The following TMEM106B variants were observed in gnomAD, a reference collection of about 807,000 sequenced individuals.
The protein encoded by TMEM106B is transmembrane protein 106B.
Under a neutral mutation model 31.1 loss-of-function variants are expected in TMEM106B, and 15 were observed. The ratio of observed to expected loss-of-function variants is 0.48; its 90% CI spans 0.32 to 0.74. The LOEUF (loss-of-function observed/expected upper bound fraction) is 0.74, where lower values mean the gene tolerates loss of function less well. TMEM106B is among the 30% of genes least tolerant of loss of function. TMEM106B has a pLI of 0.03. For synonymous variants in TMEM106B, 126 were observed against 112.5 expected (o/e 1.12, Z -0.76); for missense variants, 283 against 327.3 (o/e 0.86, Z 1.04).
At chr7:12,216,378 T>C (rs577771146) in intron 2 of TMEM106B, among the ~76,000 whole-genome samples, 1 of 86,184 alleles carries the variant, frequency 1.2e-5, no homozygotes, top group Admixed American at 1.1e-4. Flanking sequence ...TTTATTAAAA[T>C]TGAAAAAAAA....
Position 12,242,379 on chromosome 7 carries a change from C to CAAAAAAAAAAAAAAAAA in TMEM106B, c.*10416_*10432dup, listed in dbSNP as rs1169765784. On this transcript the variant is annotated 3_prime_UTR_variant, in exon 8 of 8. Coordinates refer to ENST00000396668, the MANE Select transcript of TMEM106B (RefSeq NM_001134232.2). ...TGGGCGACAGAGCGAGACTCCGTCTCAAAAAAAAAAAAAAAAAAAAAAAAA... is the reference window on the plus strand; with the variant it reads ...TGGGCGACAGAGCGAGACTCCGTCTCAAAAAAAAAAAAAAAAAAAAAAAAAAAAAAAAAAAAAAAAAA... 1.7e-4 allele frequency: 2 copies of CAAAAAAAAAAAAAAAAA among 11,662 alleles called. No homozygotes were observed. The highest frequency in any genetic ancestry group is 2.4e-4 in the Non-Finnish European group (2 of 8,344). The allele number at this position is 11,662 out of a possible 1,614,324, so 0.7% of individuals were successfully genotyped here. A position where few individuals can be genotyped will look rare whatever the true frequency, so the allele number is the denominator to read the frequency against.
Position 12,243,227 on chromosome 7 carries a change from A to G in TMEM106B, c.*11252A>G, listed in dbSNP as rs1434623127. The G allele has an allele frequency of 1.3e-5, 2 of 152,164 alleles. No homozygotes were observed. Among genetic ancestry groups the G allele is most frequent in the African/African-American group, 2.4e-5 (1 of 41,458 alleles). The allele number at this position is 152,164 out of a possible 1,614,324, so 9.4% of individuals were successfully genotyped here. ...TTCAGGCTTAATATATATGACTACT[A>G]TAAGTCAACCTCACATTTTAATGTA... On this transcript the variant is annotated 3_prime_UTR_variant, in exon 8 of 8. Transcript: ENST00000396668.
intron 5 of TMEM106B, 90 bp from the exon 6 acceptor site, chr7:12,230,299 A>C (rs1438737958): frequency 5.2e-6 from 5 of 957,582 alleles, no homozygotes; most frequent in East Asian, 4.8e-5. Context: ...AAAGGAGAAA[A>C]ATTTCTAATT....
chr7:12,236,169 T>C lies in TMEM106B; in HGVS notation c.*4194T>C, dbSNP rs1782131303. ...CAAAGTGAGATTTTCACTTGTCAGC[T>C]TAAATTTCTGACTAGAACTAACATT... On this transcript the variant is annotated 3_prime_UTR_variant, in exon 8 of 8. Transcript: ENST00000396668. The C allele has an allele frequency of 6.6e-6, 1 of 151,970 alleles. No homozygotes were observed. Among genetic ancestry groups the C allele is most frequent in the African/African-American group, 2.4e-5 (1 of 41,442 alleles). 9.4% of individuals were successfully genotyped at this position (151,970 alleles called of 1,614,324 possible).
intron 2 of TMEM106B, among the ~76,000 whole-genome samples, 173 bp from the exon 3 acceptor site, chr7:12,218,285 C>T (rs1173461541): frequency 3.3e-5 from 5 of 149,528 alleles, no homozygotes; most frequent in Admixed American, 6.7e-5. Flanking sequence ...TGAAAAAACA[C>T]GCTGTCTTCT....
intron 6 of TMEM106B, chr7:12,230,837 A>C (rs186115823): frequency 5.3e-4 from 207 of 387,478 alleles, no homozygotes; most frequent in Non-Finnish European, 8.2e-4. Flanking sequence ...AGTAATTTAT[A>C]GCCTGCATTT....
chr7:12,224,199 A>C (rs763112837), intron 3 of TMEM106B, 27 bp from the exon 4 acceptor site: 3 of 1,598,590 alleles, frequency 1.9e-6, no homozygotes, highest in Non-Finnish European at 2.6e-6. Flanking sequence ...ATGCACATGT[A>C]CTTAAATACC....
rs1016619743 is a variant in TMEM106B at position 12,243,143 on chromosome 7, C to G, written c.*11168C>G. Reference sequence around the variant, plus strand: ...TTACCACTAGTGATTTCAATAGTGGCATTGTCACATGATTCAAGAAGAGGA... The same window carrying G: ...TTACCACTAGTGATTTCAATAGTGGGATTGTCACATGATTCAAGAAGAGGA... On this transcript the variant is annotated 3_prime_UTR_variant, in exon 8 of 8. Transcript: ENST00000396668. 2 of 151,906 alleles carry G rather than the reference C, an allele frequency of 1.3e-5. No individual in the cohort carries two copies. The highest frequency in any genetic ancestry group is 4.8e-5 in the African/African-American group (2 of 41,382). 9.4% of individuals were successfully genotyped at this position (151,906 alleles called of 1,614,324 possible).
chr7:12,218,669 TAAAC>T (rs1583451834), intron 3 of TMEM106B, 148 bp downstream of exon 3: 2 of 655,478 alleles, frequency 3.1e-6, no homozygotes, highest in Non-Finnish European at 2.5e-6. Context: ...TTTGTATCCT[TAAAC>T]AGACAAGAAA....
intron 3 of TMEM106B, among the ~76,000 whole-genome samples, chr7:12,221,973 TA>T (rs1781798051): frequency 6.6e-6 from 1 of 152,226 alleles, no homozygotes; most frequent in African/African-American, 2.4e-5. Context: ...CAATTTGTAA[TA>T]AAATTATAAT....
At chr7:12,224,962 C>G (rs1781869887) in intron 4 of TMEM106B, among the ~76,000 whole-genome samples, 1 of 151,980 alleles carries the variant, frequency 6.6e-6, no homozygotes, top group Non-Finnish European at 1.5e-5. Context: ...TGGTGTGCTG[C>G]ACCCATTAAC....
chr7:12,213,937 C>T (rs10278257), intron 1 of TMEM106B, among the ~76,000 whole-genome samples: 76,098 of 151,900 alleles, frequency 0.5, 19,929 homozygotes, highest in East Asian at 0.64. Context: ...TGAACATGCC[C>T]CGTTGTACCT....
chr7:12,227,633 C>A (rs141123432), intron 4 of TMEM106B, among the ~76,000 whole-genome samples: 2 of 152,022 alleles, frequency 1.3e-5, no homozygotes, highest in East Asian at 3.9e-4. Flanking sequence ...AGGAAAACAT[C>A]TTTGTGCTTA....
rs1400063229 is a variant in TMEM106B at position 12,235,198 on chromosome 7, A to G, written c.*3223A>G. On this transcript the variant is annotated 3_prime_UTR_variant, in exon 8 of 8. Transcript: ENST00000396668. ...TTAGCTTAATTTTCTGTTAAAATTT[A>G]GTACCCCTTCATCATTCCAATAAAG... 6.6e-6 allele frequency: 1 copy of G among 152,368 alleles called. No homozygotes were observed. The highest frequency in any genetic ancestry group is 2.4e-5 in the African/African-American group (1 of 41,434). 9.4% of individuals were successfully genotyped at this position (152,368 alleles called of 1,614,324 possible).
intron 3 of TMEM106B, among the ~76,000 whole-genome samples, chr7:12,219,145 G>T (rs1381277412): frequency 6.6e-6 from 1 of 152,154 alleles, no homozygotes. Flanking sequence ...AAATGTGGAA[G>T]CAAAAATTAT....
Position 12,232,167 on chromosome 7 carries a change from A to C in TMEM106B, c.*192A>C. 1 of 424,282 alleles carries C rather than the reference A, an allele frequency of 2.4e-6. No homozygotes were observed. The highest frequency in any genetic ancestry group is 3.5e-5 in the East Asian group (1 of 28,758). The allele number at this position is 424,282 out of a possible 1,614,324, so 26.3% of individuals were successfully genotyped here. ...TCTGTGTTAATGATATATTTGTACT[A>C]GGATCTTTTACTTGAATCTAAATTT... is the stretch of plus-strand genomic sequence containing the variant. On this transcript the variant is annotated 3_prime_UTR_variant, in exon 8 of 8. Transcript: ENST00000396668.
At chr7:12,220,963 A>G (rs1178627188) in intron 3 of TMEM106B, among the ~76,000 whole-genome samples, 1 of 152,162 alleles carries the variant, frequency 6.6e-6, no homozygotes, top group Non-Finnish European at 1.5e-5. Flanking sequence ...AAAACACCAC[A>G]CACTCAAACC....
At chr7:12,217,026 AT>A (rs34797201) in intron 2 of TMEM106B, among the ~76,000 whole-genome samples, 49,276 of 150,142 alleles carry the variant, frequency 0.33, 8,301 homozygotes, top group East Asian at 0.53. Context: ...CAGGAGAGGG[AT>A]TTTTTTTTTT....
chr7:12,230,793 T>C, intron 6 of TMEM106B: 1 of 339,536 alleles, frequency 2.9e-6, no homozygotes, highest in Non-Finnish European at 5.3e-6. Flanking sequence ...AACAACCTAG[T>C]TATCAAAATT....
Sources: gnomAD v4.1 joint callset for allele counts (sites outside exome capture counted in the v4.1 genomes callset) on GRCh38, gnomAD v4.1.1 for gene constraint, MANE v1.5 for transcripts, NCBI Gene and HGNC (gene_info 2026-07-23, HGNC 2026-07-21) for gene names.